The following COQ5 variants were observed in gnomAD, a reference collection of about 807,000 sequenced individuals.
COQ5 encodes the protein coenzyme Q5, methyltransferase.
A neutral mutation model predicts 40.5 loss-of-function variants in COQ5; 27 were observed. That is an observed-to-expected ratio of 0.67 (90% CI 0.49 to 0.92). COQ5 has a LOEUF of 0.92. Ranked by LOEUF, COQ5 falls within the 40% of genes least tolerant of loss-of-function variation. COQ5 has a pLI of 0.00. For missense variants in COQ5, 409 were observed against 406.4 expected (o/e 1.01, Z -0.06); for synonymous variants, 141 against 150.0 (o/e 0.94, Z 0.44).
intron 1 of COQ5, among the ~76,000 whole-genome samples, chr12:120,525,049 C>A (rs1869874353): frequency 6.6e-6 from 1 of 151,504 alleles, no homozygotes; most frequent in Non-Finnish European, 1.5e-5. Flanking sequence ...AACCTCAGAT[C>A]TGCCCGCCTT....
chr12:120,507,058 T>A (rs1839738964), intron 4 of COQ5, among the ~76,000 whole-genome samples: 1 of 152,230 alleles, frequency 6.6e-6, no homozygotes, highest in African/African-American at 2.4e-5. Flanking sequence ...GGTCTCAAAC[T>A]CCTGACCTCA....
chr12:120,528,792 G>T, intron 1 of COQ5, 148 bp downstream of exon 1: 1 of 759,956 alleles, frequency 1.3e-6, no homozygotes, highest in Non-Finnish European at 2.2e-6. Context: ...CAACAAGAGC[G>T]AAATTCTGTC....
chr12:120,514,444 G>A (rs1242615611), intron 3 of COQ5, among the ~76,000 whole-genome samples: 3 of 151,936 alleles, frequency 2.0e-5, no homozygotes, highest in African/African-American at 7.3e-5. Flanking sequence ...GCAGAATAGC[G>A]GCTCTGAAAA....
chr12:120,522,430 A>G (rs1869712613), intron 1 of COQ5, 67 bp from the exon 2 acceptor site: 5 of 1,527,434 alleles, frequency 3.3e-6, no homozygotes, highest in Admixed American at 1.7e-5. Flanking sequence ...CCTAAACAAA[A>G]AAGGAGGAAG....
chr12:120,503,856 T>C lies in COQ5; in HGVS notation c.912A>G (p.Ala304=). ...TTTCGTAAGTCACCTTGTGAAAGCC[T>C]GCATCTTCTATCATGTCCTTGAACT... The part of the protein sequence containing the change: ...QEEFKDMIED[A]GFHKVTYESL... Residue 304 remains alanine, a synonymous_variant, in exon 7 of 7, where the codon GCA becomes GCG. Coordinates refer to ENST00000288532, the MANE Select transcript of COQ5 (RefSeq NM_032314.4). The C allele has an allele frequency of 6.2e-7, 1 of 1,614,160 alleles. No individual in the cohort carries two copies. Among genetic ancestry groups the C allele is most frequent in the Non-Finnish European group, 8.5e-7 (1 of 1,179,960 alleles).
Position 120,523,762 on chromosome 12 carries a change from C to T in COQ5, c.203-1399G>A, listed in dbSNP as rs1461345695. ...CGGTGGCTCTTGCCTGTAATCCTAG[C>T]ACTTTGGGAGTCCAAGGGGGGTGGT... On this transcript the variant is annotated intron_variant, in intron 1 of 6. Coordinates refer to ENST00000288532, the MANE Select transcript of COQ5 (RefSeq NM_032314.4). 20 of 235,748 alleles carry T rather than the reference C, an allele frequency of 8.5e-5. No individual in the cohort carries two copies. The Admixed American group carries it at 1.1e-3, about 13-fold the overall frequency. 14.6% of individuals were successfully genotyped at this position (235,748 alleles called of 1,614,324 possible).
At chr12:120,514,435 C>T (rs1183811704) in intron 3 of COQ5, among the ~76,000 whole-genome samples, 1 of 152,000 alleles carries the variant, frequency 6.6e-6, no homozygotes, top group Non-Finnish European at 1.5e-5. Flanking sequence ...TGGAAGAGGG[C>T]AGAATAGCGG....
chr12:120,514,535 G>C (rs1026519099), intron 3 of COQ5, among the ~76,000 whole-genome samples: 1 of 151,932 alleles, frequency 6.6e-6, no homozygotes, highest in African/African-American at 2.4e-5. Flanking sequence ...GAGACCAGGA[G>C]TTCGAGACCA....
rs563103401 is a variant in COQ5, at chr12:120,516,651, C to T, written c.490G>A (p.Gly164Arg). The T allele has an allele frequency of 7.2e-5, 117 of 1,614,170 alleles. 1 individual carries two copies. In the South Asian group the frequency reaches 1.1e-3, roughly 15 times the overall value. ...EYQNEEDSLG[G>R]SRVVVCDINK... ...ATGTCACACACCACGACACGAGACCCGCCCAAGGAATCTTCTTCATTCTGG... is the reference window on the plus strand; with the variant it reads ...ATGTCACACACCACGACACGAGACCTGCCCAAGGAATCTTCTTCATTCTGG... Residue 164 changes from glycine to arginine, a missense_variant, in exon 3 of 7, where the codon GGG (glycine) becomes AGG (arginine). By Grantham distance (125) the Gly-to-Arg change is moderately radical. Transcript: ENST00000288532.
chr12:120,529,089 GA>G lies in COQ5; in HGVS notation c.52del (p.Ser18ArgfsTer21), dbSNP rs1336076005. On this transcript the variant is annotated frameshift_variant, in exon 1 of 7. Transcript: ENST00000288532. LOFTEE classifies it high-confidence loss of function. ...ALWSYCGRGW[S>X]RAMRGCQLLG... ...GAGCTGGCAGCCCCGCATCGCCCGC[GA>G]CCACCCACGGCCGCAATAGCTCCAT... is the stretch of plus-strand genomic sequence containing the variant. The G allele has an allele frequency of 6.2e-7, 1 of 1,613,946 alleles. No homozygotes were observed. Among genetic ancestry groups the G allele is most frequent in the Non-Finnish European group, 8.5e-7 (1 of 1,180,012 alleles).
At chr12:120,510,174 G>A (rs1565929808) in intron 3 of COQ5, 51 bp from the exon 4 acceptor site, 2 of 1,395,112 alleles carry the variant, frequency 1.4e-6, no homozygotes, top group Non-Finnish European at 2.0e-6. Flanking sequence ...TGTTTTTCCT[G>A]CCCCCAGTGA....
intron 1 of COQ5, among the ~76,000 whole-genome samples, chr12:120,524,265 ATT>A (rs941136816): frequency 6.9e-6 from 1 of 145,000 alleles, no homozygotes; most frequent in Non-Finnish European, 1.5e-5. Context: ...TTAAAGTTAC[ATT>A]TTTTTTTTTT....
intron 1 of COQ5, among the ~76,000 whole-genome samples, chr12:120,528,422 T>C (rs1011882187): frequency 8.6e-5 from 13 of 152,036 alleles, no homozygotes; most frequent in Admixed American, 7.2e-4. Context: ...TACTGGAATG[T>C]TGAAAATGAG....
intron 1 of COQ5, among the ~76,000 whole-genome samples, chr12:120,526,109 T>C (rs1869929102): frequency 1.3e-5 from 2 of 152,128 alleles, no homozygotes; most frequent in Admixed American, 1.3e-4. Context: ...AGCCTACAAA[T>C]CACTATGTAA....
chr12:120,523,362 C>A, intron 1 of COQ5: 3 of 348,460 alleles, frequency 8.6e-6, no homozygotes, highest in Non-Finnish European at 1.6e-5. Flanking sequence ...GGATTCATAT[C>A]TTTGTGATCG....
intron 5 of COQ5, 165 bp downstream of exon 5, chr12:120,504,730 G>A: frequency 2.0e-5 from 14 of 687,398 alleles, no homozygotes; most frequent in Non-Finnish European, 3.7e-5. Context: ...ACTTGGGTCT[G>A]GTTTGAGACT....
In COQ5 at chr12:120,510,010, T is replaced by C. The variant is rs1390062042; in HGVS notation, c.681+7A>G. On this transcript the variant is annotated splice_region_variant and intron_variant, in intron 4 of 6. Coordinates refer to ENST00000288532, the MANE Select transcript of COQ5 (RefSeq NM_032314.4). ...GTCATACAAGCTGAGGATGCAGCCA[T>C]TCATACCTGATCAATGTGTGTGACA... The C allele has an allele frequency of 1.9e-6, 3 of 1,604,700 alleles. No homozygotes were observed. The highest frequency in any genetic ancestry group is 2.7e-5 in the African/African-American group (2 of 74,698).
At position 120,503,411 on chromosome 12, in the gene COQ5, A is replaced by G; in HGVS notation, c.*373T>C. 1 of 376,860 alleles carries G rather than the reference A, an allele frequency of 2.7e-6. No homozygotes were observed. The highest frequency in any genetic ancestry group is 5.2e-6 in the Non-Finnish European group (1 of 193,964). 23.3% of individuals were successfully genotyped at this position (376,860 alleles called of 1,614,324 possible). A position where few individuals can be genotyped will look rare whatever the true frequency, so the allele number is the denominator to read the frequency against. Reference sequence around the variant, plus strand: ...TTAAATTTTCTGGTTAAAAATTGTCATTGGGTTCAAATGATCTATCATCCC... The same window carrying G: ...TTAAATTTTCTGGTTAAAAATTGTCGTTGGGTTCAAATGATCTATCATCCC... On this transcript the variant is annotated 3_prime_UTR_variant, in exon 7 of 7. Transcript: ENST00000288532.
intron 1 of COQ5, chr12:120,523,358 A>G (rs772130126): frequency 5.8e-6 from 2 of 346,986 alleles, no homozygotes; most frequent in Non-Finnish European, 1.1e-5. Flanking sequence ...AATAGGATTC[A>G]TATCTTTGTG....
Sources: gnomAD v4.1 joint callset for allele counts (sites outside exome capture counted in the v4.1 genomes callset) on GRCh38, gnomAD v4.1.1 for gene constraint, MANE v1.5 for transcripts, NCBI Gene and HGNC (gene_info 2026-07-23, HGNC 2026-07-21) for gene names.